Variants in ACADSB observed in about 807,000 individuals in gnomAD.
ACADSB encodes the protein acyl-CoA dehydrogenase short/branched chain.
In ACADSB, 40 loss-of-function variants were observed where a neutral mutation model predicts 54.1. The observed-to-expected ratio is 0.74, with a 90% confidence interval of 0.57 to 0.96. The LOEUF (loss-of-function observed/expected upper bound fraction) is 0.96. Ranked by LOEUF, ACADSB falls within the 40% of genes least tolerant of loss-of-function variation. The probability of loss-of-function intolerance (pLI) is 0.00; values close to 1 mark genes in which losing one functional copy is unlikely to be tolerated. For missense variants in ACADSB, 530 were observed against 510.4 expected, an observed-to-expected ratio of 1.04 and a Z score of -0.37; for synonymous variants, 182 against 182.8, an observed-to-expected ratio of 1.00 and a Z score of 0.03.
At chr10:123,025,963 A>C (rs984915368) in intron 1 of ACADSB, among the ~76,000 whole-genome samples, 1 of 152,100 alleles carries the variant, frequency 6.6e-6, no homozygotes, top group Non-Finnish European at 1.5e-5. Flanking sequence ...CAGGAGGCTG[A>C]ATCAGGAGAA....
Position 123,009,019 on chromosome 10 carries a change from C to G in ACADSB, c.-11C>G. ...ACCCAGAGGCGCAGAGCGGAGAGGC[C>G]TGCGGCGAGGATGGAGGGCCTGGCA... On this transcript the variant is annotated 5_prime_UTR_variant, in exon 1 of 11. Coordinates refer to ENST00000358776, the MANE Select transcript of ACADSB (RefSeq NM_001609.4). 6.5e-7 allele frequency: 1 copy of G among 1,547,844 alleles called. No homozygotes were observed. Among genetic ancestry groups the G allele is most frequent in the Non-Finnish European group, 8.7e-7 (1 of 1,146,822 alleles).
chr10:123,021,788 A>C (rs1589733477), intron 1 of ACADSB, among the ~76,000 whole-genome samples: 1 of 152,332 alleles, frequency 6.6e-6, no homozygotes, highest in East Asian at 1.9e-4. Context: ...GCTGGAAGAC[A>C]AGAATAGATT....
chr10:123,037,707 C>A, intron 2 of ACADSB, 40 bp from the exon 3 acceptor site: 1 of 1,394,810 alleles, frequency 7.2e-7, no homozygotes, highest in South Asian at 1.2e-5. Context: ...ATGTGACTGT[C>A]ACTTTAACAT....
At chr10:123,023,098 A>T (rs1850205052) in intron 1 of ACADSB, among the ~76,000 whole-genome samples, 1 of 152,190 alleles carries the variant, frequency 6.6e-6, no homozygotes, top group Non-Finnish European at 1.5e-5. Flanking sequence ...TTTACCGATA[A>T]CTCAGAAGAC....
At chr10:123,040,707 A>G (rs1850461897) in intron 4 of ACADSB, 35 bp downstream of exon 4, 1 of 1,569,986 alleles carries the variant, frequency 6.4e-7, no homozygotes, top group Non-Finnish European at 8.8e-7. Context: ...TAATGGATCT[A>G]ATCTTTAGTA....
intron 3 of ACADSB, among the ~76,000 whole-genome samples, chr10:123,038,988 C>G (rs1850436594): frequency 6.6e-6 from 1 of 152,214 alleles, no homozygotes; most frequent in African/African-American, 2.4e-5. Flanking sequence ...GCGGGGCTGT[C>G]TGCAGAGTGA....
rs985605451 is a variant in ACADSB, at chr10:123,013,693, C to T, written c.42+4622C>T. Among the ~76,000 whole-genome samples, 4 of 152,358 alleles carry T rather than the reference C, an allele frequency of 2.6e-5. No homozygotes were observed. The South Asian group carries it at 6.2e-4, about 24-fold the overall frequency. ...CCTGGCTAGAAATCGAGCGCGGCGC[C>T]GGTGGGCCAGCACTGCTGGGGGACC... On this transcript the variant is annotated intron_variant, in intron 1 of 10. Transcript: ENST00000358776.
At position 123,054,103 on chromosome 10, in the gene ACADSB, T is replaced by G. The variant is rs1850672733; in HGVS notation, c.*338T>G. 1 of 302,298 alleles carries G rather than the reference T, an allele frequency of 3.3e-6. No homozygotes were observed. Among genetic ancestry groups the G allele is most frequent in the Non-Finnish European group, 6.4e-6 (1 of 157,334 alleles). The allele number at this position is 302,298 out of a possible 1,614,324, so 18.7% of individuals were successfully genotyped here. ...GTGCAGTGGCGCGATCTCAGCTCAC[T>G]GCAGCCTTGACCTCCTGGGTTCCAG... On this transcript the variant is annotated 3_prime_UTR_variant, in exon 11 of 11. Transcript: ENST00000358776.
At chr10:123,044,965 C>T (rs985665169) in intron 7 of ACADSB, among the ~76,000 whole-genome samples, 1 of 151,178 alleles carries the variant, frequency 6.6e-6, no homozygotes, top group Admixed American at 6.6e-5. Context: ...ATAAAATAGC[C>T]ACAGTTAAGT....
At position 123,053,783 on chromosome 10, in the gene ACADSB, C is replaced by G; in HGVS notation, c.*18C>G. ...AATACTGACGTCTATAGGAGTGGGA[C>G]CCCTCCCTGGTGTCACTGCTGTAAA... On this transcript the variant is annotated 3_prime_UTR_variant, in exon 11 of 11. Coordinates refer to ENST00000358776, the MANE Select transcript of ACADSB (RefSeq NM_001609.4). 6.2e-7 allele frequency: 1 copy of G among 1,607,054 alleles called. No homozygotes were observed. The highest frequency in any genetic ancestry group is 8.5e-7 in the Non-Finnish European group (1 of 1,173,578).
intron 7 of ACADSB, 22 bp downstream of exon 7, chr10:123,044,507 C>A (rs751290909): frequency 4.7e-5 from 73 of 1,567,154 alleles, no homozygotes; most frequent in Non-Finnish European, 6.4e-5. Context: ...TTAAACTCTT[C>A]CATGATGTGA....
intron 1 of ACADSB, among the ~76,000 whole-genome samples, chr10:123,011,913 G>A (rs1185308519): frequency 3.3e-5 from 5 of 151,370 alleles, no homozygotes; most frequent in Non-Finnish European, 5.9e-5. Flanking sequence ...GTGTAGTGGC[G>A]TGATCATAGC....
At chr10:123,023,170 C>T (rs80146142) in intron 1 of ACADSB, among the ~76,000 whole-genome samples, 1,648 of 152,254 alleles carry the variant, frequency 0.011, 43 homozygotes, top group African/African-American at 0.036. Flanking sequence ...GGCATGCAAA[C>T]GAAGATCATT....
chr10:123,034,510 G>T lies in ACADSB; in HGVS notation c.197G>T (p.Ser66Ile). The T allele has an allele frequency of 6.2e-7, 1 of 1,607,140 alleles. No individual in the cohort carries two copies. ...ACAGATGAGGAAATGATGATAAAGA[G>T]TTCAGGTAAGTAAATTTATCAGTGT... ...TFTDEEMMIK[S>I]SVKKFAQEQI... Residue 66 changes from serine (S) to isoleucine (I), a missense_variant, in exon 2 of 11, where the codon AGT (serine) becomes ATT (isoleucine). By Grantham distance (142) the Ser-to-Ile change is moderately radical. Coordinates refer to ENST00000358776, the MANE Select transcript of ACADSB (RefSeq NM_001609.4).
chr10:123,051,285 A>G (rs1850630471), intron 9 of ACADSB, 99 bp downstream of exon 9: 1 of 1,339,930 alleles, frequency 7.5e-7, no homozygotes, highest in South Asian at 1.5e-5. Flanking sequence ...TGTTGATTGT[A>G]CTTTGGTTGT....
rs112428179 is a variant in ACADSB, at chr10:123,011,856, A to AT, written c.42+2799dup. 1.4e-3 allele frequency among the ~76,000 whole-genome samples: 190 copies of AT among 138,254 alleles called. 1 individual carries two copies. Among genetic ancestry groups the AT allele is most frequent in the Admixed American group, 4.6e-3 (64 of 13,912 alleles). The allele number at this position is 138,254 out of a possible 152,430, so 90.7% of individuals were successfully genotyped here. On this transcript the variant is annotated intron_variant, in intron 1 of 10. Transcript: ENST00000358776. The stretch of plus-strand genomic sequence containing the variant: ...GCCGCTTGATGTCTTTTAAGAGATG[A>AT]TTTTTTTTTTTTTTAGACAAGTTTT...
intron 1 of ACADSB, among the ~76,000 whole-genome samples, chr10:123,009,572 G>C (rs922749334): frequency 1.3e-5 from 2 of 152,204 alleles, no homozygotes; most frequent in African/African-American, 2.4e-5. Context: ...AAGGTAGTAA[G>C]GGACTTCGGA....
At chr10:123,014,629 C>A (rs139532571) in intron 1 of ACADSB, among the ~76,000 whole-genome samples, 33 of 152,212 alleles carry the variant, frequency 2.2e-4, no homozygotes, top group African/African-American at 7.9e-4. Flanking sequence ...GGGTTCTTGA[C>A]ATCAAAAAAA....
chr10:123,027,852 G>A (rs1431433926), intron 1 of ACADSB, among the ~76,000 whole-genome samples: 1 of 152,192 alleles, frequency 6.6e-6, no homozygotes, highest in Non-Finnish European at 1.5e-5. Context: ...GCTGGATCAG[G>A]TTTTGTAAGC....
Sources: allele counts gnomAD v4.1 joint callset (sites outside exome capture counted in the v4.1 genomes callset), GRCh38; gene constraint gnomAD v4.1.1; transcripts MANE v1.5; gene names NCBI Gene and HGNC (gene_info 2026-07-23, HGNC 2026-07-21).